The following RPTOR variants were observed in gnomAD, a reference collection of about 807,000 sequenced individuals.
The protein encoded by RPTOR is regulatory-associated protein of mTOR.
RPTOR carries 21 observed loss-of-function variants against 169.9 expected under a neutral mutation model. The observed-to-expected ratio is 0.12, with a 90% CI of 0.09 to 0.18. The LOEUF is 0.18. Ranked by LOEUF, RPTOR falls within the 10% of genes least tolerant of loss-of-function variation. The pLI is 1.00. For missense variants in RPTOR, 1,133 were observed against 1,855.9 expected, an observed-to-expected ratio of 0.61 and a Z score of 7.16; for synonymous variants, 732 against 753.2, an observed-to-expected ratio of 0.97 and a Z score of 0.46.
intron 25 of RPTOR, among the ~76,000 whole-genome samples, chr17:80,941,046 G>GCTC (rs2144039148): frequency 6.6e-6 from 1 of 152,322 alleles, no homozygotes; most frequent in African/African-American, 2.4e-5. Flanking sequence ...CCTACACATG[G>GCTC]CGCATCCTTC....
intron 9 of RPTOR, among the ~76,000 whole-genome samples, chr17:80,833,339 G>A (rs1236888646): frequency 1.3e-5 from 2 of 152,178 alleles, no homozygotes; most frequent in East Asian, 1.9e-4. Context: ...CGATGCAGAT[G>A]AGCTGGTCAC....
At chr17:80,849,131 C>G (rs1040542771) in intron 11 of RPTOR, among the ~76,000 whole-genome samples, 4 of 152,192 alleles carry the variant, frequency 2.6e-5, no homozygotes, top group African/African-American at 9.7e-5. Flanking sequence ...CTCGTTAACT[C>G]GGCTCACTTC....
chr17:80,616,283 T>C (rs1241738360), intron 1 of RPTOR, among the ~76,000 whole-genome samples: 1 of 148,070 alleles, frequency 6.8e-6, no homozygotes, highest in East Asian at 2.0e-4. Context: ...AATCCATTTA[T>C]TGAAAATTGA....
intron 25 of RPTOR, 140 bp downstream of exon 25, chr17:80,940,741 C>T: frequency 3.1e-6 from 2 of 635,532 alleles, no homozygotes; most frequent in Non-Finnish European, 5.5e-6. Flanking sequence ...CCGCCCCGCA[C>T]CCCACCTCCC....
rs1290711884 is a variant in RPTOR at position 80,823,809 on chromosome 17, A to G, written c.1136+586A>G. ...GTGATTTGTTTTTAGTCTAGACATT[A>G]TATTTGAAGACGTTTGGTTTCTTTC... On this transcript the variant is annotated intron_variant, in intron 9 of 33. Coordinates refer to ENST00000306801, the MANE Select transcript of RPTOR (RefSeq NM_020761.3). The surrounding 1 kb of genome is among the most constrained non-coding windows in gnomAD (Gnocchi z 4.5). Among the ~76,000 whole-genome samples the G allele has an allele frequency of 6.6e-6, 1 of 152,194 alleles. No homozygotes were observed. The highest frequency in any genetic ancestry group is 2.4e-5 in the African/African-American group (1 of 41,438).
chr17:80,937,406 C>T (rs1417251887), intron 24 of RPTOR, among the ~76,000 whole-genome samples: 2 of 152,188 alleles, frequency 1.3e-5, no homozygotes, highest in African/African-American at 2.4e-5. Flanking sequence ...TGCTGCTTTC[C>T]CGTAAGTCTT....
intron 15 of RPTOR, 141 bp downstream of exon 15, chr17:80,883,625 C>T (rs1301798041): frequency 1.0e-5 from 12 of 1,182,284 alleles, no homozygotes; most frequent in Non-Finnish European, 1.2e-5. Context: ...CAGCCATTTG[C>T]AGGCTGAATA....
At chr17:80,942,374 G>C (rs1227395039) in intron 25 of RPTOR, among the ~76,000 whole-genome samples, 1 of 149,364 alleles carries the variant, frequency 6.7e-6, no homozygotes, top group African/African-American at 2.5e-5. Flanking sequence ...GTGCGAAACA[G>C]AGCCGGCATT....
chr17:80,827,484 C>T (rs1055808380), intron 9 of RPTOR, among the ~76,000 whole-genome samples: 3 of 152,342 alleles, frequency 2.0e-5, no homozygotes, highest in East Asian at 1.9e-4. Context: ...TCAGAGCCAG[C>T]GCAGGAGCCG....
At position 80,957,369 on chromosome 17, in the gene RPTOR, G is replaced by A. The variant is rs2069265281; in HGVS notation, c.3371-255G>A. ...GAACTGTCACCCCAGCCTGGACTTG[G>A]GAGTTCCAGCTCAGAATTGTCATCC... On this transcript the variant is annotated intron_variant, in intron 28 of 33. Transcript: ENST00000306801. This position sits in a 1 kb window ranked among gnomAD's most constrained non-coding sequence, Gnocchi z 4.6. 6.6e-6 allele frequency among the ~76,000 whole-genome samples: 1 copy of A among 151,752 alleles called. No homozygotes were observed. The highest frequency in any genetic ancestry group is 1.5e-5 in the Non-Finnish European group (1 of 67,936).
At chr17:80,628,859 CT>C (rs1254539983) in intron 2 of RPTOR, among the ~76,000 whole-genome samples, 1 of 152,230 alleles carries the variant, frequency 6.6e-6, no homozygotes, top group Non-Finnish European at 1.5e-5. Context: ...TTCCCATTAT[CT>C]TTTCAAATAT....
intron 21 of RPTOR, among the ~76,000 whole-genome samples, chr17:80,922,006 C>T (rs1311684089): frequency 1.3e-5 from 2 of 152,304 alleles, no homozygotes; most frequent in East Asian, 3.9e-4. Context: ...CGTCACAGTC[C>T]AGGCAGCAGA....
At chr17:80,690,123 T>C (rs1464549557) in intron 3 of RPTOR, among the ~76,000 whole-genome samples, 1 of 152,220 alleles carries the variant, frequency 6.6e-6, no homozygotes, top group Non-Finnish European at 1.5e-5. Context: ...CTTTTTATTA[T>C]GAAAAATTTC....
rs1299253360 is a variant in RPTOR at position 80,646,199 on chromosome 17, T to G, written c.348+2389T>G. ...AACAATGGACACCTAATATTTGCTT[T>G]TCGAATGCCAACACCATTGCATTCA... On this transcript the variant is annotated intron_variant, in intron 3 of 33. Coordinates refer to ENST00000306801, the MANE Select transcript of RPTOR (RefSeq NM_020761.3). This position sits in a 1 kb window ranked among gnomAD's most constrained non-coding sequence, Gnocchi z 5.0. Among the ~76,000 whole-genome samples, 1 of 152,166 alleles carries G rather than the reference T, an allele frequency of 6.6e-6. No individual in the cohort carries two copies. Among genetic ancestry groups the G allele is most frequent in the African/African-American group, 2.4e-5 (1 of 41,444 alleles).
intron 14 of RPTOR, 26 bp from the exon 15 acceptor site, chr17:80,883,393 G>A (rs1218188302): frequency 9.3e-6 from 15 of 1,612,116 alleles, no homozygotes; most frequent in East Asian, 2.2e-5. Flanking sequence ...GAGGGGAGAC[G>A]ACCAGGACTG....
rs111795285 is a variant in RPTOR, at chr17:80,744,709, C to T, written c.655-9301C>T. ...GCCCTGGCTACTAGCACTGTCCTGG[C>T]TACTAGCACTGTCCTGGCTACTAGC... On this transcript the variant is annotated intron_variant, in intron 5 of 33. Transcript: ENST00000306801. Among the ~76,000 whole-genome samples, 101 of 16,998 alleles carry T rather than the reference C, an allele frequency of 5.9e-3. 5 individuals are homozygous for T. The highest frequency in any genetic ancestry group is 6.8e-3 in the Non-Finnish European group (63 of 9,246). The allele number at this position is 16,998 out of a possible 152,430, so 11.2% of individuals were successfully genotyped here. A position where few individuals can be genotyped will look rare whatever the true frequency, so the allele number is the denominator to read the frequency against.
intron 20 of RPTOR, among the ~76,000 whole-genome samples, chr17:80,899,839 G>T (rs531035242): frequency 6.6e-6 from 1 of 152,080 alleles, no homozygotes; most frequent in East Asian, 1.9e-4. Context: ...CCATACACAG[G>T]CCATAGAAAA....
intron 3 of RPTOR, among the ~76,000 whole-genome samples, chr17:80,687,576 G>C (rs74002810): frequency 0.018 from 2,802 of 152,294 alleles, 87 homozygotes; most frequent in African/African-American, 0.063. Flanking sequence ...CTCTGCCCTT[G>C]GTGGGCACCC....
In RPTOR at chr17:80,931,032, G is replaced by A. The variant is rs186448837; in HGVS notation, c.2919+5552G>A. On this transcript the variant is annotated intron_variant, in intron 24 of 33. Coordinates refer to ENST00000306801, the MANE Select transcript of RPTOR (RefSeq NM_020761.3). ...AATTAAATACGTGGTTATTCTAACC[G>A]TGCATTCTTAGAGAGTTTCATCCTG... Among the ~76,000 whole-genome samples the A allele has an allele frequency of 5.3e-5, 8 of 152,294 alleles. 1 individual carries two copies. Among genetic ancestry groups the A allele is most frequent in the Admixed American group, 3.3e-4 (5 of 15,292 alleles).
Sources: allele counts gnomAD v4.1 joint callset (sites outside exome capture counted in the v4.1 genomes callset), GRCh38; gene constraint gnomAD v4.1.1; non-coding constraint Gnocchi (gnomAD v3.1); transcripts MANE v1.5; gene names NCBI Gene and HGNC (gene_info 2026-07-23, HGNC 2026-07-21).